MBOAT1: variants seen among roughly 807,000 people sequenced by gnomAD.
The protein encoded by MBOAT1 is membrane-bound glycerophospholipid O-acyltransferase 1.
A neutral mutation model predicts 64.4 loss-of-function variants in MBOAT1; 67 were observed. The ratio of observed to expected loss-of-function variants is 1.04; its 90% confidence interval spans 0.85 to 1.27. The LOEUF is 1.27. Among genes scored for constraint, MBOAT1 ranks in the 50% most tolerant of loss-of-function variants. The pLI is 0.00. For missense variants in MBOAT1, 563 were observed against 604.6 expected (o/e 0.93, Z 0.72); for synonymous variants, 229 against 218.9 (o/e 1.05, Z -0.41).
intron 12 of MBOAT1, among the ~76,000 whole-genome samples, chr6:20,104,106 C>T (rs1340899268): frequency 6.6e-6 from 1 of 152,204 alleles, no homozygotes. Context: ...AGTACGGTAA[C>T]ATACTGTACC....
intron 1 of MBOAT1, among the ~76,000 whole-genome samples, chr6:20,169,932 A>G (rs189519937): frequency 1.3e-5 from 2 of 152,174 alleles, no homozygotes; most frequent in African/African-American, 4.8e-5. Flanking sequence ...CAAGTCATCG[A>G]CTATCTCCTT....
Position 20,116,833 on chromosome 6 carries a change from A to G in MBOAT1, c.1012-1481T>C, listed in dbSNP as rs151169804. ...GTGGAAGGATTCTGTTTTTTGGCACATAGCTAGGGGGACTAGTAGGCAGCC... is the reference window on the plus strand; with the variant it reads ...GTGGAAGGATTCTGTTTTTTGGCACGTAGCTAGGGGGACTAGTAGGCAGCC... On this transcript the variant is annotated intron_variant, in intron 9 of 12. Coordinates refer to ENST00000324607, the MANE Select transcript of MBOAT1 (RefSeq NM_001080480.3). Among the ~76,000 whole-genome samples, 1,022 of 152,282 alleles carry G rather than the reference A, an allele frequency of 6.7e-3. 12 individuals carry two copies. The highest frequency in any genetic ancestry group is 0.023 in the African/African-American group (972 of 41,552).
At chr6:20,172,590 C>T (rs1056709049) in intron 1 of MBOAT1, among the ~76,000 whole-genome samples, 2 of 152,072 alleles carry the variant, frequency 1.3e-5, no homozygotes, top group African/African-American at 4.8e-5. Flanking sequence ...TTTTTGCCTG[C>T]CCAAATTCGT....
intron 1 of MBOAT1, among the ~76,000 whole-genome samples, chr6:20,165,470 C>T (rs1761989296): frequency 6.6e-6 from 1 of 152,094 alleles, no homozygotes; most frequent in African/African-American, 2.4e-5. Context: ...GGACTGGGTG[C>T]AATGGCTCAC....
intron 7 of MBOAT1, 54 bp downstream of exon 7, chr6:20,126,463 A>C: frequency 1.4e-6 from 2 of 1,448,520 alleles, no homozygotes; most frequent in Non-Finnish European, 1.9e-6. Context: ...AACCATTATT[A>C]GAGAGAGTCA....
intron 3 of MBOAT1, among the ~76,000 whole-genome samples, chr6:20,146,316 G>T (rs1761324068): frequency 6.6e-6 from 1 of 152,192 alleles, no homozygotes; most frequent in African/African-American, 2.4e-5. Context: ...GGTAGCAAGG[G>T]ATAGCCAGAT....
At chr6:20,197,808 G>A (rs553512489) in intron 1 of MBOAT1, among the ~76,000 whole-genome samples, 1 of 152,260 alleles carries the variant, frequency 6.6e-6, no homozygotes, top group South Asian at 2.1e-4. Context: ...CCTTAACCTG[G>A]CAAAATAAAC....
intron 1 of MBOAT1, among the ~76,000 whole-genome samples, chr6:20,155,789 C>T (rs1036187531): frequency 6.6e-6 from 1 of 152,170 alleles, no homozygotes; most frequent in African/African-American, 2.4e-5. Flanking sequence ...AGAGACTTTA[C>T]CAATCAGGAA....
intron 5 of MBOAT1, among the ~76,000 whole-genome samples, chr6:20,129,377 T>G (rs1028286670): frequency 6.6e-6 from 1 of 152,240 alleles, no homozygotes; most frequent in African/African-American, 2.4e-5. Context: ...ATGCTTTCTG[T>G]GAAATGTACA....
At chr6:20,140,343 G>T (rs1382335533) in intron 4 of MBOAT1, among the ~76,000 whole-genome samples, 4 of 152,188 alleles carry the variant, frequency 2.6e-5, no homozygotes, top group Non-Finnish European at 5.9e-5. Context: ...CATGTAAGTT[G>T]TGATGGTCAA....
intron 5 of MBOAT1, among the ~76,000 whole-genome samples, chr6:20,129,595 A>C (rs1219354230): frequency 6.6e-6 from 1 of 152,018 alleles, no homozygotes; most frequent in Non-Finnish European, 1.5e-5. Context: ...ATTTTGCTGC[A>C]TTTAAGGGAT....
chr6:20,147,771 A>C (rs999726195), intron 3 of MBOAT1, among the ~76,000 whole-genome samples: 3 of 152,228 alleles, frequency 2.0e-5, no homozygotes, highest in Non-Finnish European at 4.4e-5. Context: ...AAAGAAAAAA[A>C]ACTATATTCC....
At chr6:20,154,628 C>T (rs943742190) in intron 1 of MBOAT1, among the ~76,000 whole-genome samples, 1 of 152,164 alleles carries the variant, frequency 6.6e-6, no homozygotes, top group African/African-American at 2.4e-5. Flanking sequence ...CACCACTGCC[C>T]ACCTTCACTT....
chr6:20,110,210 A>C (rs1760097021), intron 11 of MBOAT1, among the ~76,000 whole-genome samples: 1 of 126,300 alleles, frequency 7.9e-6, no homozygotes, highest in Non-Finnish European at 1.7e-5. Flanking sequence ...CGCCCGGCCC[A>C]GGACTCTTTT....
chr6:20,107,961 T>C (rs1760010028), intron 12 of MBOAT1, among the ~76,000 whole-genome samples: 1 of 152,136 alleles, frequency 6.6e-6, no homozygotes, highest in African/African-American at 2.4e-5. Flanking sequence ...GGGCAAATGT[T>C]GGCTTGAGGG....
At chr6:20,103,713 C>T (rs768112334) in intron 12 of MBOAT1, among the ~76,000 whole-genome samples, 2 of 152,204 alleles carry the variant, frequency 1.3e-5, no homozygotes, top group Admixed American at 6.5e-5. Context: ...AGGCATGAGC[C>T]ACCATGCCCG....
At chr6:20,164,126 CTA>C (rs1393649350) in intron 1 of MBOAT1, among the ~76,000 whole-genome samples, 1 of 149,796 alleles carries the variant, frequency 6.7e-6, no homozygotes, top group African/African-American at 2.5e-5. Context: ...TGTATAAAAT[CTA>C]TATATAATAC....
intron 1 of MBOAT1, among the ~76,000 whole-genome samples, chr6:20,156,398 A>G (rs1219483958): frequency 1.3e-5 from 2 of 152,194 alleles, no homozygotes; most frequent in Admixed American, 1.3e-4. Context: ...CTGTATGTAC[A>G]GACTCAACCT....
At chr6:20,158,262 A>C (rs1340678828) in intron 1 of MBOAT1, among the ~76,000 whole-genome samples, 1 of 152,198 alleles carries the variant, frequency 6.6e-6, no homozygotes, top group Non-Finnish European at 1.5e-5. Flanking sequence ...AGAGTCCACA[A>C]ATAAGCCTAC....
Sources: gnomAD v4.1 joint callset for allele counts (sites outside exome capture counted in the v4.1 genomes callset) on GRCh38, gnomAD v4.1.1 for gene constraint, MANE v1.5 for transcripts, NCBI Gene and HGNC (gene_info 2026-07-23, HGNC 2026-07-21) for gene names.